The following CAPZB variants were observed in gnomAD, a reference collection of about 807,000 sequenced individuals.
The protein encoded by CAPZB is F-actin-capping protein subunit beta.
Under a neutral mutation model 38.1 loss-of-function variants are expected in CAPZB, and 2 were observed. The ratio of observed to expected loss-of-function variants is 0.05; its 90% CI spans 0.02 to 0.17. The LOEUF (loss-of-function observed/expected upper bound fraction) is 0.17. CAPZB is among the 10% of genes least tolerant of loss of function. CAPZB has a pLI of 1.00. For synonymous variants in CAPZB, 107 were observed against 127.4 expected (o/e 0.84, Z 1.08); for missense variants, 161 against 334.2 (o/e 0.48, Z 4.04).
chr1:19,431,710 G>T (rs1311527293), intron 1 of CAPZB, among the ~76,000 whole-genome samples: 1 of 151,516 alleles, frequency 6.6e-6, no homozygotes, highest in African/African-American at 2.4e-5. Context: ...GACAGAGTGA[G>T]ACTCCGTCTC....
intron 1 of CAPZB, among the ~76,000 whole-genome samples, chr1:19,464,514 G>C (rs779571853): frequency 6.6e-6 from 1 of 151,784 alleles, no homozygotes; most frequent in Non-Finnish European, 1.5e-5. Flanking sequence ...GGATGGTCTC[G>C]ATCTCTTGAC....
rs773381983 is a variant in CAPZB at position 19,484,224 on chromosome 1, A to T, written c.3+1212T>A. On this transcript the variant is annotated intron_variant, in intron 1 of 8. Coordinates refer to ENST00000264202, the MANE Select transcript of CAPZB (RefSeq NM_004930.5). ...GGGACTTCCATAATCAGCAGTTCCAACCCTTGCAAGCTGACAGTTCAGAGG... is the reference window on the plus strand; with the variant it reads ...GGGACTTCCATAATCAGCAGTTCCATCCCTTGCAAGCTGACAGTTCAGAGG... 5.8e-5 allele frequency: 93 copies of T among 1,612,414 alleles called. 1 individual carries two copies. In the South Asian group the frequency reaches 9.9e-4, roughly 17 times the overall value.
At chr1:19,480,518 G>C (rs765482636) in intron 1 of CAPZB, among the ~76,000 whole-genome samples, 2 of 152,216 alleles carry the variant, frequency 1.3e-5, no homozygotes, top group Non-Finnish European at 2.9e-5. Context: ...CTGGCGCTAA[G>C]TGCCAGGCGG....
At position 19,418,049 on chromosome 1, in the gene CAPZB, T is replaced by C. The variant is rs549774460; in HGVS notation, c.93+1612A>G. On this transcript the variant is annotated intron_variant, in intron 2 of 8. Transcript: ENST00000264202. ...TACTGGGGAGGCTGAGGCAGGAGGA[T>C]TGCTTGAACCGGGGAGGCGGAGATT... Among the ~76,000 whole-genome samples the C allele has an allele frequency of 2.4e-4, 35 of 143,498 alleles. 1 individual carries two copies. The South Asian group carries it at 4.1e-3, about 17-fold the overall frequency. 94.1% of individuals were successfully genotyped at this position (143,498 alleles called of 152,430 possible).
intron 4 of CAPZB, among the ~76,000 whole-genome samples, chr1:19,376,195 A>T (rs1255864159): frequency 1.3e-5 from 2 of 152,224 alleles, no homozygotes; most frequent in African/African-American, 2.4e-5. Context: ...GCCAGAGTAC[A>T]GCCTCCTCAT....
intron 2 of CAPZB, among the ~76,000 whole-genome samples, chr1:19,418,404 T>C (rs2094389147): frequency 6.6e-6 from 1 of 152,066 alleles, no homozygotes. Context: ...ACACAGTGGG[T>C]TCATTTGCAT....
intron 3 of CAPZB, 61 bp from the exon 4 acceptor site, chr1:19,378,714 G>A: frequency 1.1e-6 from 1 of 912,264 alleles, no homozygotes; most frequent in Non-Finnish European, 1.8e-6. Context: ...CGGCCAGCGA[G>A]CAGGGAGCCT....
At chr1:19,450,160 AAAAAAAAAAG>A (rs2094510832) in intron 1 of CAPZB, among the ~76,000 whole-genome samples, 3 of 82,916 alleles carry the variant, frequency 3.6e-5, no homozygotes, top group Middle Eastern at 5.4e-3. Context: ...AAAAAAAAAA[AAAAAAAAAAG>A]AAAAGAAAAG....
intron 1 of CAPZB, among the ~76,000 whole-genome samples, chr1:19,426,831 C>T (rs776110946): frequency 2.0e-5 from 3 of 152,202 alleles, no homozygotes; most frequent in Non-Finnish European, 2.9e-5. Context: ...CACTAGGTTT[C>T]GGGATGGTTT....
At chr1:19,342,783 G>T (rs769001822) in intron 8 of CAPZB, 1 of 1,611,920 alleles carries the variant, frequency 6.2e-7, no homozygotes, top group Non-Finnish European at 8.5e-7. Flanking sequence ...GCTGGATGTA[G>T]ATCTGGCGCT....
chr1:19,457,693 G>A (rs1031769784), intron 1 of CAPZB, among the ~76,000 whole-genome samples: 2 of 152,142 alleles, frequency 1.3e-5, no homozygotes, highest in Admixed American at 6.5e-5. Context: ...CTCACACTGC[G>A]GACGGTGTTA....
At chr1:19,478,072 G>C (rs1412717182) in intron 1 of CAPZB, among the ~76,000 whole-genome samples, 1 of 152,250 alleles carries the variant, frequency 6.6e-6, no homozygotes, top group Non-Finnish European at 1.5e-5. Context: ...GGGTGGAGAA[G>C]TGCGGGGTCT....
chr1:19,463,795 C>A (rs1252075416), intron 1 of CAPZB, among the ~76,000 whole-genome samples: 1 of 152,176 alleles, frequency 6.6e-6, no homozygotes, highest in African/African-American at 2.4e-5. Context: ...TCAAAGCACA[C>A]AGGGTGGAGA....
intron 1 of CAPZB, among the ~76,000 whole-genome samples, chr1:19,443,093 A>T (rs1162643371): frequency 1.3e-5 from 2 of 152,162 alleles, no homozygotes; most frequent in Non-Finnish European, 2.9e-5. Flanking sequence ...AGGATTTTAA[A>T]AATCCATTCC....
chr1:19,376,524 TAGAC>T (rs1020301550), intron 4 of CAPZB, among the ~76,000 whole-genome samples: 2 of 152,196 alleles, frequency 1.3e-5, no homozygotes, highest in African/African-American at 4.8e-5. Context: ...CTCAGGGCCT[TAGAC>T]AGGTGAGTTT....
intron 2 of CAPZB, chr1:19,385,867 CA>C: frequency 3.2e-6 from 2 of 621,664 alleles, no homozygotes; most frequent in Middle Eastern, 3.9e-4. Context: ...GTCTTCCTTC[CA>C]AAAACTGTGT....
chr1:19,478,447 G>A (rs115465327), intron 1 of CAPZB, among the ~76,000 whole-genome samples: 378 of 152,254 alleles, frequency 2.5e-3, no homozygotes, highest in African/African-American at 8.7e-3. Context: ...CAACCACCAG[G>A]GTTGTTGCCT....
At chr1:19,432,267 C>T (rs1158282247) in intron 1 of CAPZB, among the ~76,000 whole-genome samples, 6 of 151,294 alleles carry the variant, frequency 4.0e-5, no homozygotes, top group East Asian at 2.0e-4. Context: ...CATGGCAAAA[C>T]CCCATCTCCA....
At chr1:19,430,168 C>T (rs1303061307) in intron 1 of CAPZB, among the ~76,000 whole-genome samples, 1 of 152,124 alleles carries the variant, frequency 6.6e-6, no homozygotes, top group Non-Finnish European at 1.5e-5. Context: ...CTAGCAGAGT[C>T]CCCAAACTAC....
Sources: allele counts gnomAD v4.1 joint callset (sites outside exome capture counted in the v4.1 genomes callset), GRCh38; gene constraint gnomAD v4.1.1; transcripts MANE v1.5; gene names NCBI Gene and HGNC (gene_info 2026-07-23, HGNC 2026-07-21).